The following MARK2 variants were observed in gnomAD, a reference collection of about 807,000 sequenced individuals.
The protein encoded by MARK2 is microtubule affinity regulating kinase 2.
MARK2 carries 16 observed loss-of-function variants against 89.8 expected under a neutral mutation model. That is an observed-to-expected ratio of 0.18 (90% CI 0.12 to 0.27). MARK2 has a LOEUF of 0.27. Ranked by LOEUF, MARK2 falls within the 10% of genes least tolerant of loss-of-function variation. The pLI, the probability that MARK2 is intolerant of heterozygous loss-of-function variation, is 1.00. For synonymous variants in MARK2, 382 were observed against 399.5 expected, an observed-to-expected ratio of 0.96 and a Z score of 0.52; for missense variants, 621 against 1,049.9, an observed-to-expected ratio of 0.59 and a Z score of 5.65.
At chr11:63,905,155 G>A in intron 16 of MARK2, 112 bp downstream of exon 16, 1 of 1,260,378 alleles carries the variant, frequency 7.9e-7, no homozygotes, top group Non-Finnish European at 1.1e-6. Flanking sequence ...CCGGTATTGG[G>A]TCCTGGGGTT....
At chr11:63,873,313 T>A (rs1370548725) in intron 1 of MARK2, among the ~76,000 whole-genome samples, 1 of 152,192 alleles carries the variant, frequency 6.6e-6, no homozygotes, top group Non-Finnish European at 1.5e-5. Flanking sequence ...CTAAGCTCCA[T>A]TCTCTTGTTG....
chr11:63,903,325 A>G lies in MARK2; in HGVS notation c.1514+167A>G. 4.9e-6 allele frequency: 3 copies of G among 614,412 alleles called. No individual in the cohort carries two copies. The highest frequency in any genetic ancestry group is 3.7e-5 in the South Asian group (2 of 53,680). 38.1% of individuals were successfully genotyped at this position (614,412 alleles called of 1,614,324 possible). On this transcript the variant is annotated intron_variant, in intron 14 of 18. Coordinates refer to ENST00000402010, the MANE Select transcript of MARK2 (RefSeq NM_001039469.3). This position sits in a 1 kb window ranked among gnomAD's most constrained non-coding sequence, Gnocchi z 5.1. ...GCTTTCCCCTCCCCTATTCCACGCC[A>G]TTGCCTCCTCCCCATCTTCCTCTGA...
intron 1 of MARK2, among the ~76,000 whole-genome samples, chr11:63,882,323 C>T (rs1939140649): frequency 6.6e-6 from 1 of 151,986 alleles, no homozygotes; most frequent in African/African-American, 2.4e-5. Flanking sequence ...GTGGCTCACA[C>T]CTGTAATCCC....
chr11:63,839,531 C>T lies in MARK2; in HGVS notation c.25C>T (p.Pro9Ser). The change falls in exon 1 of 19, where the codon CCC becomes TCC. Residue 9 changes from proline (P) to serine (S), a missense_variant. Pro to Ser is a moderately conservative substitution (Grantham distance 74). Around this residue, in one of 5 missense-constraint regions of MARK2, gnomAD observed 60 missense variants for 73.2 expected, o/e 0.82. Coordinates refer to ENST00000402010, the MANE Select transcript of MARK2 (RefSeq NM_001039469.3). Reference protein sequence around the residue: MSSARTPLPTLNERDTEQP... With the variant: MSSARTPLSTLNERDTEQP... ...CATGTCCAGCGCTCGGACCCCCCTA[C>T]CCACGCTGAACGAGAGGGACACGGA... 1 of 1,539,606 alleles carries T rather than the reference C, an allele frequency of 6.5e-7. No individual in the cohort carries two copies.
At chr11:63,849,498 A>G (rs535163132) in intron 1 of MARK2, among the ~76,000 whole-genome samples, 4 of 152,322 alleles carry the variant, frequency 2.6e-5, no homozygotes, top group African/African-American at 9.6e-5. Context: ...CATGCCTGTA[A>G]TCCCAGCACT....
At chr11:63,893,207 C>G (rs1940055909) in intron 1 of MARK2, among the ~76,000 whole-genome samples, 2 of 150,046 alleles carry the variant, frequency 1.3e-5, no homozygotes, top group Non-Finnish European at 3.0e-5. Context: ...TTTGTAGAGA[C>G]AGAGTCTCCC....
chr11:63,858,308 G>A (rs932615943), intron 1 of MARK2, among the ~76,000 whole-genome samples: 1 of 152,074 alleles, frequency 6.6e-6, no homozygotes, highest in Non-Finnish European at 1.5e-5. Flanking sequence ...GAGCCACTGT[G>A]CCTGGCCCTG....
intron 1 of MARK2, among the ~76,000 whole-genome samples, chr11:63,893,953 T>G (rs1440944782): frequency 6.6e-6 from 1 of 152,228 alleles, no homozygotes; most frequent in Non-Finnish European, 1.5e-5. Context: ...CCAAAACAAT[T>G]TAAAATCTGC....
At chr11:63,882,605 A>T (rs1939162760) in intron 1 of MARK2, 1 of 152,018 alleles carries the variant, frequency 6.6e-6, no homozygotes, top group Admixed American at 6.6e-5. Flanking sequence ...GGAATGCTTC[A>T]CAAATTTGTG....
intron 1 of MARK2, among the ~76,000 whole-genome samples, chr11:63,879,464 T>C (rs556188810): frequency 2.8e-4 from 42 of 152,194 alleles, no homozygotes; most frequent in Non-Finnish European, 4.6e-4. Context: ...TGTGATTGCC[T>C]TGAGGGGCAG....
In MARK2 at chr11:63,906,088, A is replaced by G; in HGVS notation, c.1935A>G (p.Arg645=). Residue 645 remains arginine (R), a splice_region_variant and synonymous_variant, in exon 17 of 19, where the codon AGA becomes AGG. Transcript: ENST00000402010. ...GTCTTTTTTTTGTTTGTTTTTTTAG[A>G]AATCTGTCTTTCAGGTTTGCCAGAA... The part of the protein sequence containing the change: ...FSKFTSKFVR[R]NLSFRFARRN... The G allele has an allele frequency of 1.5e-6, 2 of 1,344,304 alleles. No individual in the cohort carries two copies. Among genetic ancestry groups the G allele is most frequent in the Non-Finnish European group, 9.6e-7 (1 of 1,043,922 alleles). The allele number at this position is 1,344,304 out of a possible 1,614,324, so 83.3% of individuals were successfully genotyped here.
chr11:63,861,758 T>TG (rs1295934789), intron 1 of MARK2, among the ~76,000 whole-genome samples: 1 of 150,572 alleles, frequency 6.6e-6, no homozygotes, highest in Non-Finnish European at 1.5e-5. Context: ...TTTTTTTTTT[T>TG]GAGACAGAGT....
chr11:63,901,716 G>A (rs544239583), intron 11 of MARK2, among the ~76,000 whole-genome samples: 3 of 151,708 alleles, frequency 2.0e-5, no homozygotes, highest in Admixed American at 1.3e-4. Flanking sequence ...GTGTGTGTGT[G>A]TGTGTGTATG....
rs977563341 is a variant in MARK2, at chr11:63,908,218, A to G, written c.1962-42A>G. The G allele has an allele frequency of 2.6e-6, 4 of 1,535,402 alleles. No homozygotes were observed. The African/African-American group carries it at 5.5e-5, about 21-fold the overall frequency. On this transcript the variant is annotated intron_variant, in intron 17 of 18. Transcript: ENST00000402010. ...TGGGTCTGTGGCGGCGGAAGGAGCG[A>G]GAGATCCCAGCACTAAACTCTCCCT... is the stretch of plus-strand genomic sequence containing the variant.
chr11:63,849,165 C>T (rs1353968776), intron 1 of MARK2, among the ~76,000 whole-genome samples: 1 of 152,174 alleles, frequency 6.6e-6, no homozygotes, highest in Non-Finnish European at 1.5e-5. Flanking sequence ...ACCTGGCCCC[C>T]TCAACCTTCT....
rs777446377 is a variant in MARK2, at chr11:63,895,648, C to T, written c.288+15C>T. 6.6e-7 allele frequency: 1 copy of T among 1,512,284 alleles called. No individual in the cohort carries two copies. Among genetic ancestry groups the T allele is most frequent in the Non-Finnish European group, 9.1e-7 (1 of 1,102,202 alleles). The allele number at this position is 1,512,284 out of a possible 1,614,324, so 93.7% of individuals were successfully genotyped here. A position where few individuals can be genotyped will look rare whatever the true frequency, so the allele number is the denominator to read the frequency against. ...GCCTCCAGAAAGTAAGCACATGGCA[C>T]CTCCTGTCCCTTTTTTTTTTTTTTT... is the stretch of plus-strand genomic sequence containing the variant. On this transcript the variant is annotated intron_variant, in intron 3 of 18. Transcript: ENST00000402010.
intron 17 of MARK2, 89 bp from the exon 18 acceptor site, chr11:63,908,171 C>G: frequency 8.0e-7 from 1 of 1,256,726 alleles, no homozygotes; most frequent in Non-Finnish European, 1.1e-6. Flanking sequence ...ACTGGTGGCA[C>G]CTCCCCAGAC....
chr11:63,868,095 T>A (rs927253296), intron 1 of MARK2, among the ~76,000 whole-genome samples: 5 of 152,272 alleles, frequency 3.3e-5, no homozygotes, highest in South Asian at 2.1e-4. Flanking sequence ...AAAATTTTTT[T>A]AAATTGTAAC....
Position 63,910,551 on chromosome 11 carries a change from T to G in MARK2, c.*1314T>G, listed in dbSNP as rs914155486. On this transcript the variant is annotated 3_prime_UTR_variant, in exon 19 of 19. Coordinates refer to ENST00000402010, the MANE Select transcript of MARK2 (RefSeq NM_001039469.3). ...ATTTATTTCTCTGCTGTTTCTGTTC[T>G]TGAGAAATTGGGGGTGGGAGTCCTA... 1.3e-5 allele frequency: 2 copies of G among 152,218 alleles called. No individual in the cohort carries two copies. Among genetic ancestry groups the G allele is most frequent in the African/African-American group, 4.8e-5 (2 of 41,436 alleles). 9.4% of individuals were successfully genotyped at this position (152,218 alleles called of 1,614,324 possible).
Sources: allele counts gnomAD v4.1 joint callset (sites outside exome capture counted in the v4.1 genomes callset), GRCh38; gene constraint gnomAD v4.1.1; regional missense constraint gnomAD v4.1.1; non-coding constraint Gnocchi (gnomAD v3.1); transcripts MANE v1.5; gene names NCBI Gene and HGNC (gene_info 2026-07-23, HGNC 2026-07-21).